The following DTYMK variants were observed in gnomAD, a reference collection of about 807,000 sequenced individuals.
The protein encoded by DTYMK is deoxythymidylate kinase.
Under a neutral mutation model 20.3 loss-of-function variants are expected in DTYMK, and 20 were observed. The ratio of observed to expected loss-of-function variants is 0.99; its 90% CI spans 0.69 to 1.43. The LOEUF (loss-of-function observed/expected upper bound fraction) is 1.43. DTYMK is among the 40% of genes most tolerant of loss of function. The pLI is 0.00. For synonymous variants in DTYMK, 148 were observed against 124.4 expected (o/e 1.19, Z -1.27); for missense variants, 320 against 291.1 (o/e 1.10, Z -0.72).
At chr2:241,685,977 C>T (rs1410208204) in intron 1 of DTYMK, 100 bp from the exon 2 acceptor site, 1 of 1,232,846 alleles carries the variant, frequency 8.1e-7, no homozygotes, top group Non-Finnish European at 1.1e-6. Flanking sequence ...TCAAGTCTCA[C>T]GTTGAATTTT....
At chr2:241,680,102 T>G in intron 3 of DTYMK, 127 bp downstream of exon 3, 1 of 809,578 alleles carries the variant, frequency 1.2e-6, no homozygotes, top group East Asian at 2.7e-5. Context: ...AGCAAAGAGA[T>G]AAAAGGAATA....
chr2:241,676,518 G>C (rs527823831), intron 4 of DTYMK, among the ~76,000 whole-genome samples: 7 of 152,212 alleles, frequency 4.6e-5, no homozygotes, highest in Non-Finnish European at 1.0e-4. Context: ...CACACAGGCC[G>C]GGCTCTGGAA....
In DTYMK at chr2:241,686,776, G is replaced by GCCGCCATGACTGTCCACCGC. The variant is rs766543742; in HGVS notation, c.-13_7dup (p.Ala3GlyfsTer14). ...CAGCACTATGAGAGCCCCGCGCCGG[G>GCCGCCATGACTGTCCACCGC]CCGCCATGACTGTCCACCGCCCGCC... is the stretch of plus-strand genomic sequence containing the variant. On this transcript the variant is annotated frameshift_variant, in exon 1 of 5. Transcript: ENST00000305784. LOFTEE classifies it high-confidence loss of function. 1 of 1,455,836 alleles carries GCCGCCATGACTGTCCACCGC rather than the reference G, an allele frequency of 6.9e-7. No individual in the cohort carries two copies. The highest frequency in any genetic ancestry group is 2.7e-5 in the Admixed American group (1 of 36,792). The allele number at this position is 1,455,836 out of a possible 1,614,324, so 90.2% of individuals were successfully genotyped here.
chr2:241,678,794 A>T, intron 3 of DTYMK, 145 bp from the exon 4 acceptor site: 1 of 934,006 alleles, frequency 1.1e-6, no homozygotes, highest in Non-Finnish European at 1.6e-6. Flanking sequence ...TAATTTTTAG[A>T]ACCTCAAACG....
At chr2:241,678,203 G>T (rs1251222697) in intron 4 of DTYMK, among the ~76,000 whole-genome samples, 1 of 152,100 alleles carries the variant, frequency 6.6e-6, no homozygotes, top group East Asian at 1.9e-4. Flanking sequence ...CCAAGAAGCG[G>T]AGGTTGCAGT....
intron 2 of DTYMK, among the ~76,000 whole-genome samples, chr2:241,681,205 G>C (rs2069250459): frequency 6.6e-6 from 1 of 152,214 alleles, no homozygotes; most frequent in African/African-American, 2.4e-5. Context: ...ATTCGACTCA[G>C]CCAGTCTCAC....
intron 2 of DTYMK, among the ~76,000 whole-genome samples, chr2:241,683,463 T>C (rs911214647): frequency 1.3e-5 from 2 of 152,152 alleles, no homozygotes; most frequent in Non-Finnish European, 2.9e-5. Flanking sequence ...CAGCAATTGT[T>C]AGTGTATTTT....
chr2:241,680,004 A>G (rs2069203447), intron 3 of DTYMK, among the ~76,000 whole-genome samples: 1 of 152,098 alleles, frequency 6.6e-6, no homozygotes, highest in Admixed American at 6.6e-5. Context: ...GGAAAATATA[A>G]TCCAAATACC....
At chr2:241,684,673 A>T (rs1405451146) in intron 2 of DTYMK, 1 of 449,418 alleles carries the variant, frequency 2.2e-6, no homozygotes, top group Non-Finnish European at 4.5e-6. Flanking sequence ...AGTAGTTTCT[A>T]CATATGTATA....
In DTYMK at chr2:241,676,144, C is replaced by T. The variant is rs2069109332; in HGVS notation, c.622G>A (p.Gly208Arg). Residue 208 changes from glycine to arginine, a missense_variant, in exon 5 of 5, where the codon GGG becomes AGG. Gly to Arg is a moderately radical substitution (Grantham distance 125). Coordinates refer to ENST00000305784, the MANE Select transcript of DTYMK (RefSeq NM_012145.4). The part of the protein sequence containing the change: ...AIRTATEKPL[G>R]ELWK The stretch of plus-strand genomic sequence containing the variant: ...GCCTTGGGTCACTTCCATAGCTCCC[C>T]CAGCGGCTTCTCTGTGGCAGTGCGG... The T allele has an allele frequency of 1.2e-6, 2 of 1,612,178 alleles. No individual in the cohort carries two copies. Among genetic ancestry groups the T allele is most frequent in the African/African-American group, 1.3e-5 (1 of 74,908 alleles).
intron 4 of DTYMK, among the ~76,000 whole-genome samples, chr2:241,676,812 C>T (rs560644148): frequency 6.3e-4 from 96 of 152,366 alleles, no homozygotes; most frequent in African/African-American, 2.2e-3. Flanking sequence ...CTCCAGCTCG[C>T]AAGCGGCGAG....
At chr2:241,685,495 T>G (rs2069367420) in intron 2 of DTYMK, 1 of 271,724 alleles carries the variant, frequency 3.7e-6, no homozygotes, top group Non-Finnish European at 7.0e-6. Context: ...ATCACACCTC[T>G]GCCTGGCGAC....
Position 241,680,337 on chromosome 2 carries a change from C to T in DTYMK, c.240-18G>A, listed in dbSNP as rs1436836222. ...TTAACGGCCTGAAAAAGAGGATGCT[C>T]CTGAGCCCTGGTCCTGTTTCATAGG... On this transcript the variant is annotated intron_variant, in intron 2 of 4. Coordinates refer to ENST00000305784, the MANE Select transcript of DTYMK (RefSeq NM_012145.4). The T allele has an allele frequency of 6.2e-7, 1 of 1,613,806 alleles. No individual in the cohort carries two copies. Among genetic ancestry groups the T allele is most frequent in the Non-Finnish European group, 8.5e-7 (1 of 1,179,794 alleles).
Position 241,676,029 on chromosome 2 carries a change from G to C in DTYMK, c.*98C>G. On this transcript the variant is annotated 3_prime_UTR_variant, in exon 5 of 5. Transcript: ENST00000305784. The stretch of plus-strand genomic sequence containing the variant: ...CTGCTGCCGGGAAAGAGCTCCTGAA[G>C]TTGTGGGGTCTGGACTCTGCTGGGG... The C allele has an allele frequency of 8.7e-7, 1 of 1,147,720 alleles. No homozygotes were observed. The highest frequency in any genetic ancestry group is 1.6e-5 in the South Asian group (1 of 61,792). The allele number at this position is 1,147,720 out of a possible 1,614,324, so 71.1% of individuals were successfully genotyped here.
Position 241,686,656 on chromosome 2 carries a change from G to C in DTYMK, c.128C>G (p.Pro43Arg). 1 of 1,515,096 alleles carries C rather than the reference G, an allele frequency of 6.6e-7. No homozygotes were observed. 93.9% of individuals were successfully genotyped at this position (1,515,096 alleles called of 1,614,324 possible). ...CACCCCCCGCCGCGCGCACCCACCCGGGAACCGGAGCAGTTCGGCGCGGTG... is the reference window on the plus strand; with the variant it reads ...CACCCCCCGCCGCGCGCACCCACCCCGGAACCGGAGCAGTTCGGCGCGGTG... ...AGHRAELLRF[P>R]ERSTEIGKLL... is the part of the protein sequence containing the mutation. The change falls in exon 1 of 5, where the codon CCG becomes CGG. Residue 43 changes from proline to arginine, a missense_variant and splice_region_variant. By Grantham distance (103) the Pro-to-Arg change is moderately radical (BLOSUM62 -2). Transcript: ENST00000305784.
rs2069425043 is a variant in DTYMK at position 241,686,724 on chromosome 2, G to A, written c.60C>T (p.Ser20=). ...VLEGVDRAGK[S]TQSRKLVEAL... ...CTTCCACCAGCTTGCGGCTCTGCGT[G>A]CTCTTCCCGGCGCGGTCCACGCCCT... Residue 20 remains serine (S), a synonymous_variant, in exon 1 of 5, where the codon AGC becomes AGT. Transcript: ENST00000305784. 1.3e-6 allele frequency: 2 copies of A among 1,545,318 alleles called. No individual in the cohort carries two copies. The highest frequency in any genetic ancestry group is 2.1e-4 in the Middle Eastern group (1 of 4,684).
intron 4 of DTYMK, among the ~76,000 whole-genome samples, chr2:241,676,587 C>A (rs1241913541): frequency 6.6e-6 from 1 of 152,254 alleles, no homozygotes; most frequent in African/African-American, 2.4e-5. Flanking sequence ...ACACCTTTCT[C>A]TGAACCTCAA....
rs778100994 is a variant in DTYMK at position 241,680,316 on chromosome 2, CG to C, written c.242del (p.Pro81ArgfsTer2). 113 of 1,613,922 alleles carry C rather than the reference CG, an allele frequency of 7.0e-5. No individual in the cohort carries two copies. Among genetic ancestry groups the C allele is most frequent in the Non-Finnish European group, 8.9e-5 (105 of 1,179,960 alleles). On this transcript the variant is annotated frameshift_variant and splice_region_variant, in exon 3 of 5. Transcript: ENST00000305784. LOFTEE classifies it high-confidence loss of function. Reference protein sequence around the residue: ...LFSANRWEQVPLIKEKLSQGV... With the variant: ...LFSANRWEQVXLIKEKLSQGV... ...CCTGGCTCAACTTTTCCTTAATTAA[CG>C]GCCTGAAAAAGAGGATGCTCCTGAG... is the stretch of plus-strand genomic sequence containing the variant.
In DTYMK at chr2:241,678,728, TGAG is replaced by T. The variant is rs2069175096; in HGVS notation, c.331-82_331-80del. The T allele has an allele frequency of 4.0e-6, 6 of 1,515,402 alleles. No individual in the cohort carries two copies. The Admixed American group carries it at 1.2e-4, about 29-fold the overall frequency. 93.9% of individuals were successfully genotyped at this position (1,515,402 alleles called of 1,614,324 possible). ...CGAAAGTCGTAAAAACAGGAAAAAATGAGGGGACATTTGGTGAGGTACCAAGAT... is the reference window on the plus strand; with the variant it reads ...CGAAAGTCGTAAAAACAGGAAAAAATGGGACATTTGGTGAGGTACCAAGAT... On this transcript the variant is annotated intron_variant, in intron 3 of 4. Coordinates refer to ENST00000305784, the MANE Select transcript of DTYMK (RefSeq NM_012145.4).
Sources: allele counts gnomAD v4.1 joint callset (sites outside exome capture counted in the v4.1 genomes callset), GRCh38; gene constraint gnomAD v4.1.1; transcripts MANE v1.5; gene names NCBI Gene and HGNC (gene_info 2026-07-23, HGNC 2026-07-21).